Variants in BRWD1 observed in about 807,000 individuals in gnomAD.
The protein encoded by BRWD1 is bromodomain and WD repeat domain containing 1, also known as bromodomain and WD repeat-containing protein 1.
In BRWD1, 82 loss-of-function variants were observed where a neutral mutation model predicts 251.2. That is an observed-to-expected ratio of 0.33 (90% confidence interval 0.27 to 0.39). BRWD1 has a LOEUF of 0.39. BRWD1 is among the 10% of genes least tolerant of loss of function. The pLI is 1.00. For synonymous variants in BRWD1, 918 were observed against 902.8 expected (o/e 1.02, Z -0.30); for missense variants, 2,233 against 2,711.6 (o/e 0.82, Z 3.92).
intron 4 of BRWD1, among the ~76,000 whole-genome samples, chr21:39,311,938 G>T (rs550111583): frequency 7.9e-5 from 12 of 152,202 alleles, no homozygotes; most frequent in South Asian, 2.1e-4. Context: ...TCCAACTGTG[G>T]TAAAAGATCA....
chr21:39,234,042 TA>T (rs2033721954), intron 23 of BRWD1, among the ~76,000 whole-genome samples: 1 of 152,002 alleles, frequency 6.6e-6, no homozygotes, highest in Non-Finnish European at 1.5e-5. Flanking sequence ...TAAATAAAAA[TA>T]ATTTTTAAAA....
intron 36 of BRWD1, among the ~76,000 whole-genome samples, chr21:39,207,298 G>A (rs1450278887): frequency 6.6e-6 from 1 of 152,010 alleles, no homozygotes; most frequent in African/African-American, 2.4e-5. Context: ...AGCCGGGCAT[G>A]GTGGCGCAAG....
intron 13 of BRWD1, among the ~76,000 whole-genome samples, chr21:39,272,305 T>A (rs56194690): frequency 0.38 from 41,974 of 109,140 alleles, 6,701 homozygotes; most frequent in Non-Finnish European, 0.45. Flanking sequence ...AAAACTTAAA[T>A]AAATAAAAAA....
chr21:39,218,498 AACTT>A lies in BRWD1; in HGVS notation c.3538+3_3538+6del. 6.4e-7 allele frequency: 1 copy of A among 1,566,544 alleles called. No individual in the cohort carries two copies. Among genetic ancestry groups the A allele is most frequent in the Non-Finnish European group, 8.6e-7 (1 of 1,165,938 alleles). ...AAACTTTTCATCCTAAAAAATAAAAAACTTACCAAGATTCAAAAGTTGATCTATA... is the reference window on the plus strand; with the variant it reads ...AAACTTTTCATCCTAAAAAATAAAAAACCAAGATTCAAAAGTTGATCTATA... On this transcript the variant is annotated splice_donor_5th_base_variant and intron_variant, in intron 30 of 40. Coordinates refer to ENST00000342449, the MANE Select transcript of BRWD1 (RefSeq NM_033656.4).
chr21:39,314,463 G>A (rs1471448967), upstream of BRWD1: 1 of 386,040 alleles, frequency 2.6e-6, no homozygotes, highest in Non-Finnish European at 5.2e-6. Flanking sequence ...CAGACGGGCC[G>A]CAGACCCTCC....
intron 21 of BRWD1, among the ~76,000 whole-genome samples, chr21:39,245,735 G>C (rs530340918): frequency 6.6e-6 from 1 of 152,080 alleles, no homozygotes; most frequent in Non-Finnish European, 1.5e-5. Context: ...AAATAGCTGG[G>C]ATCACATGCA....
chr21:39,307,186 A>C (rs1385301461), intron 4 of BRWD1, among the ~76,000 whole-genome samples: 3 of 152,184 alleles, frequency 2.0e-5, no homozygotes, highest in Non-Finnish European at 4.4e-5. Flanking sequence ...AATATTTTAT[A>C]CCACTTACAC....
chr21:39,253,082 G>A (rs1470356069), intron 19 of BRWD1, among the ~76,000 whole-genome samples: 3 of 152,116 alleles, frequency 2.0e-5, no homozygotes, highest in Admixed American at 6.6e-5. Context: ...CTGAGGACAG[G>A]AGTTTGAGAC....
intron 15 of BRWD1, among the ~76,000 whole-genome samples, chr21:39,268,991 A>C (rs924694950): frequency 1.3e-5 from 2 of 151,886 alleles, no homozygotes. Flanking sequence ...CTGTCTCAAA[A>C]AGAAAAGAAA....
At position 39,188,210 on chromosome 21, in the gene BRWD1, C is replaced by T. The variant is rs2031353539; in HGVS notation, c.*8049G>A. On this transcript the variant is annotated 3_prime_UTR_variant, in exon 41 of 41. Transcript: ENST00000342449. ...ATTCCTTTTACGTATCTGAAGTTCA[C>T]GGGCCCTTGAATTTTAGGTCTTTCT... is the stretch of plus-strand genomic sequence containing the variant. The T allele has an allele frequency of 2.0e-6, 2 of 985,242 alleles. No homozygotes were observed. Among genetic ancestry groups the T allele is most frequent in the South Asian group, 4.7e-5 (1 of 21,290 alleles). 61.0% of individuals were successfully genotyped at this position (985,242 alleles called of 1,614,324 possible).
At chr21:39,217,055 A>ATATATATATATATATATATATT (rs2032959517) in intron 31 of BRWD1, 1 of 15,994 alleles carries the variant, frequency 6.3e-5, no homozygotes, top group Non-Finnish European at 1.2e-4. Context: ...ATATATTTAT[A>ATATATATATATATATATATATT]TATATATATA....
At position 39,199,626 on chromosome 21, in the gene BRWD1, G is replaced by A; in HGVS notation, c.4790C>T (p.Ala1597Val). 1 of 1,610,882 alleles carries A rather than the reference G, an allele frequency of 6.2e-7. No individual in the cohort carries two copies. Among genetic ancestry groups the A allele is most frequent in the South Asian group, 1.1e-5 (1 of 90,140 alleles). The change falls in exon 40 of 41, where the codon GCC becomes GTC. Residue 1597 changes from alanine (A) to valine (V), a missense_variant. Physicochemically the swap from Ala to Val is moderately conservative, Grantham distance 64. Transcript: ENST00000342449. Reference sequence around the variant, plus strand: ...ACTTAAATAGACTCTCTTTCGAGTGGCTTTTCTGCCACATCCATTTGCTAA... The same window carrying A: ...ACTTAAATAGACTCTCTTTCGAGTGACTTTTCTGCCACATCCATTTGCTAA... The part of the protein sequence containing the change: ...VSLANGCGRK[A>V]TRKRVYLSDS...
intron 18 of BRWD1, among the ~76,000 whole-genome samples, chr21:39,257,942 T>TAAAA (rs1253862201): frequency 6.6e-6 from 1 of 152,176 alleles, no homozygotes; most frequent in African/African-American, 2.4e-5. Context: ...ATGCTGTAAG[T>TAAAA]TTAAGAGAAA....
At chr21:39,311,279 C>T (rs116255839) in intron 4 of BRWD1, among the ~76,000 whole-genome samples, 4,724 of 151,958 alleles carry the variant, frequency 0.031, 249 homozygotes, top group African/African-American at 0.11. Flanking sequence ...GTGATCCTTC[C>T]GCCTCAGCCT....
chr21:39,215,378 G>A lies in BRWD1; in HGVS notation c.3660-16C>T, dbSNP rs780674180. 1 of 1,608,056 alleles carries A rather than the reference G, an allele frequency of 6.2e-7. No individual in the cohort carries two copies. Among genetic ancestry groups the A allele is most frequent in the African/African-American group, 1.3e-5 (1 of 74,776 alleles). ...AGACAGCCTCCTTCAAAATAAAGTAGACAATTTAGGGCTTAGAAAATGAGA... is the reference window on the plus strand; with the variant it reads ...AGACAGCCTCCTTCAAAATAAAGTAAACAATTTAGGGCTTAGAAAATGAGA... On this transcript the variant is annotated splice_polypyrimidine_tract_variant and intron_variant, in intron 31 of 40. Coordinates refer to ENST00000342449, the MANE Select transcript of BRWD1 (RefSeq NM_033656.4).
At chr21:39,257,495 TAA>T (rs2034597185) in intron 18 of BRWD1, among the ~76,000 whole-genome samples, 1 of 151,926 alleles carries the variant, frequency 6.6e-6, no homozygotes. Context: ...TTTTCTGGAT[TAA>T]AAGACATAAT....
intron 4 of BRWD1, among the ~76,000 whole-genome samples, chr21:39,307,714 T>C (rs2036335177): frequency 6.6e-6 from 1 of 152,212 alleles, no homozygotes; most frequent in Non-Finnish European, 1.5e-5. Flanking sequence ...GAGCCTTTTT[T>C]AATAGTAAAA....
Position 39,264,935 on chromosome 21 carries a change from G to A in BRWD1, c.1615C>T (p.His539Tyr). The A allele has an allele frequency of 6.2e-7, 1 of 1,613,886 alleles. No homozygotes were observed. The highest frequency in any genetic ancestry group is 8.5e-7 in the Non-Finnish European group (1 of 1,179,866). The part of the protein sequence containing the change: ...QHFACTDSHG[H>Y]LLIFGFGCSK... ...CATCCAAAACCAAATATCAGAAGGT[G>A]CCCATGAGAATCTGTACAGGCAAAA... Residue 539 changes from histidine to tyrosine, a missense_variant, in exon 16 of 41, where the codon CAC (histidine) becomes TAC (tyrosine). His to Tyr is a moderately conservative substitution (Grantham distance 83). Transcript: ENST00000342449.
chr21:39,300,913 A>G (rs2146770710), intron 4 of BRWD1, among the ~76,000 whole-genome samples: 1 of 152,288 alleles, frequency 6.6e-6, no homozygotes, highest in African/African-American at 2.4e-5. Flanking sequence ...CCCAAGAAAA[A>G]TAAATGCAAA....
Sources: allele counts gnomAD v4.1 joint callset (sites outside exome capture counted in the v4.1 genomes callset), GRCh38; gene constraint gnomAD v4.1.1; transcripts MANE v1.5; gene names NCBI Gene and HGNC (gene_info 2026-07-23, HGNC 2026-07-21).